KLRG1: variants seen among roughly 807,000 people sequenced by gnomAD.
The protein encoded by KLRG1 is killer cell lectin-like receptor subfamily G member 1.
KLRG1 carries 16 observed loss-of-function variants against 21.8 expected under a neutral mutation model. The ratio of observed to expected loss-of-function variants is 0.73; its 90% confidence interval spans 0.50 to 1.11. The LOEUF is 1.11. Among genes scored for constraint, KLRG1 ranks in the 50% most tolerant of loss-of-function variants. The pLI, the probability that KLRG1 is intolerant of heterozygous loss-of-function variation, is 0.00. For synonymous variants in KLRG1, 69 were observed against 75.9 expected (o/e 0.91, Z 0.47); for missense variants, 173 against 218.3 (o/e 0.79, Z 1.31).
chr12:9,152,615 C>G, the KLRG1 span, among the ~76,000 whole-genome samples: 4 of 152,198 alleles, frequency 2.6e-5, no homozygotes, highest in African/African-American at 9.7e-5. Flanking sequence ...CCTCACTATA[C>G]AGTTCATTTG....
At chr12:9,091,314 G>C in the KLRG1 span, 1 of 1,614,204 alleles carries the variant, frequency 6.2e-7, no homozygotes, top group Non-Finnish European at 8.5e-7. Flanking sequence ...AAGGCTCGGA[G>C]AGAGGCAGTG....
At chr12:9,048,780 C>T in the KLRG1 span, among the ~76,000 whole-genome samples, 118 of 152,282 alleles carry the variant, frequency 7.7e-4, no homozygotes, top group African/African-American at 2.1e-3. Flanking sequence ...CTGAACAAGA[C>T]GGGGATGTCT....
At chr12:9,087,725 A>G in the KLRG1 span, among the ~76,000 whole-genome samples, 1 of 152,290 alleles carries the variant, frequency 6.6e-6, no homozygotes, top group Non-Finnish European at 1.5e-5. Context: ...TTCATAAATC[A>G]TAACATCACT....
intron 2 of KLRG1, among the ~76,000 whole-genome samples, chr12:8,994,023 T>A (rs1947057316): frequency 6.6e-6 from 1 of 152,190 alleles, no homozygotes; most frequent in Non-Finnish European, 1.5e-5. Context: ...TTTTGGAATC[T>A]TGGTTGGAAT....
chr12:8,951,208 C>T (rs1946197042), intron 1 of KLRG1, among the ~76,000 whole-genome samples: 1 of 152,118 alleles, frequency 6.6e-6, no homozygotes, highest in Admixed American at 6.5e-5. Context: ...CACTGTGGCT[C>T]ATGCCCGTAA....
rs765554132 is a variant in KLRG1, at chr12:9,009,465, C to A, written c.498C>A (p.Ile166=). The change falls in exon 5 of 5, where the codon ATC becomes ATA. Residue 166 remains isoleucine, a synonymous_variant. Coordinates refer to ENST00000356986, the MANE Select transcript of KLRG1 (RefSeq NM_005810.4). ...GCTTTGTGCAGACATGCGGTGCCAT[C>A]AACAAAAATGGTCTTCAAGCCTCAA... ...SNSFVQTCGA[I]NKNGLQASSC... The A allele has an allele frequency of 6.2e-7, 1 of 1,613,890 alleles. No individual in the cohort carries two copies. The highest frequency in any genetic ancestry group is 8.5e-7 in the Non-Finnish European group (1 of 1,179,902).
At chr12:8,961,963 G>A (rs1213318194) in intron 1 of KLRG1, among the ~76,000 whole-genome samples, 1 of 152,180 alleles carries the variant, frequency 6.6e-6, no homozygotes, top group African/African-American at 2.4e-5. Flanking sequence ...GTACGCACCT[G>A]TAGTCCCAGC....
At chr12:9,001,601 G>A (rs1947310377) in intron 3 of KLRG1, among the ~76,000 whole-genome samples, 1 of 152,202 alleles carries the variant, frequency 6.6e-6, no homozygotes, top group East Asian at 1.9e-4. Context: ...GTGGACATAT[G>A]TAGGTCAAAT....
the KLRG1 span, among the ~76,000 whole-genome samples, chr12:9,201,639 T>C: frequency 1.3e-5 from 2 of 152,154 alleles, no homozygotes; most frequent in African/African-American, 2.4e-5. Context: ...AAAATTCTCC[T>C]AGTGAATAAT....
chr12:9,001,415 AC>A (rs1219663731), intron 3 of KLRG1, among the ~76,000 whole-genome samples: 1 of 152,012 alleles, frequency 6.6e-6, no homozygotes, highest in East Asian at 1.9e-4. Flanking sequence ...CCGCTCTGTG[AC>A]CCGCCCAGCT....
At chr12:9,084,622 A>G in the KLRG1 span, among the ~76,000 whole-genome samples, 2 of 152,180 alleles carry the variant, frequency 1.3e-5, no homozygotes, top group East Asian at 1.9e-4. Context: ...AAAGAGGAAC[A>G]AAGAAGCAAA....
chr12:9,093,653 C>CAA, the KLRG1 span: 1 of 751,204 alleles, frequency 1.3e-6, no homozygotes. Flanking sequence ...ATAGTTGCCA[C>CAA]CAAAAAAAAA....
At chr12:9,060,770 T>C in the KLRG1 span, among the ~76,000 whole-genome samples, 1 of 152,232 alleles carries the variant, frequency 6.6e-6, no homozygotes, top group African/African-American at 2.4e-5. Flanking sequence ...CTAACCAGAT[T>C]TTAGAATTGC....
the KLRG1 span, among the ~76,000 whole-genome samples, chr12:9,158,758 T>TC: frequency 1.6e-4 from 2 of 12,732 alleles, no homozygotes; most frequent in Admixed American, 5.8e-4. Flanking sequence ...TTTTCTTTTC[T>TC]TTTTTTTTTT....
intron 3 of KLRG1, among the ~76,000 whole-genome samples, chr12:9,007,739 C>A (rs998781497): frequency 2.0e-5 from 3 of 152,112 alleles, no homozygotes; most frequent in African/African-American, 7.2e-5. Flanking sequence ...TCATAATCAC[C>A]ATAGGCAGTT....
chr12:9,005,305 A>C (rs1317187979), intron 3 of KLRG1, among the ~76,000 whole-genome samples: 1 of 152,198 alleles, frequency 6.6e-6, no homozygotes, highest in Non-Finnish European at 1.5e-5. Flanking sequence ...ATACCTATGT[A>C]ACAAAACTGC....
the KLRG1 span, among the ~76,000 whole-genome samples, chr12:9,119,279 A>G: frequency 1.3e-5 from 2 of 152,240 alleles, no homozygotes; most frequent in Non-Finnish European, 2.9e-5. Context: ...TAATGACTTA[A>G]AATAGGAGGG....
chr12:9,163,434 C>A, the KLRG1 span, among the ~76,000 whole-genome samples: 35 of 146,874 alleles, frequency 2.4e-4, no homozygotes, highest in Non-Finnish European at 4.2e-4. Flanking sequence ...GCCTGTGCAA[C>A]AGAGCAAAAC....
the KLRG1 span, chr12:9,164,992 G>A: frequency 1.4e-5 from 14 of 978,340 alleles, no homozygotes; most frequent in East Asian, 3.3e-4. Flanking sequence ...TTCTGATCAT[G>A]TCCTGCTTTG....
Sources: allele counts gnomAD v4.1 joint callset (sites outside exome capture counted in the v4.1 genomes callset), GRCh38; gene constraint gnomAD v4.1.1; transcripts MANE v1.5; gene names NCBI Gene and HGNC (gene_info 2026-07-23, HGNC 2026-07-21).